ALCAM: variants seen among roughly 807,000 people sequenced by gnomAD.
ALCAM encodes the protein activated leukocyte cell adhesion molecule.
In ALCAM, 30 loss-of-function variants were observed where a neutral mutation model predicts 70.9. The ratio of observed to expected loss-of-function variants is 0.42; its 90% CI spans 0.32 to 0.57. The LOEUF is 0.57. ALCAM is among the 20% of genes least tolerant of loss of function. ALCAM has a pLI of 0.11. For synonymous variants in ALCAM, 249 were observed against 242.5 expected (o/e 1.03, Z -0.25); for missense variants, 591 against 695.1 (o/e 0.85, Z 1.68).
intron 1 of ALCAM, among the ~76,000 whole-genome samples, chr3:105,407,276 A>C (rs1004792020): frequency 6.7e-6 from 1 of 148,516 alleles, no homozygotes; most frequent in Non-Finnish European, 1.5e-5. Flanking sequence ...CAAAAAAAAA[A>C]CAACAGATCA....
At chr3:105,408,479 T>C (rs1936304655) in intron 1 of ALCAM, among the ~76,000 whole-genome samples, 2 of 152,138 alleles carry the variant, frequency 1.3e-5, no homozygotes, top group Non-Finnish European at 1.5e-5. Flanking sequence ...CAAATGGTGC[T>C]GGGATAATTG....
At chr3:105,386,405 C>G (rs1451150612) in intron 1 of ALCAM, among the ~76,000 whole-genome samples, 3 of 151,542 alleles carry the variant, frequency 2.0e-5, no homozygotes, top group Non-Finnish European at 1.5e-5. Flanking sequence ...GTTCCAGTTA[C>G]AGATTTCTTT....
intron 3 of ALCAM, among the ~76,000 whole-genome samples, chr3:105,526,560 C>T (rs947923884): frequency 2.6e-5 from 4 of 152,044 alleles, no homozygotes; most frequent in African/African-American, 7.2e-5. Flanking sequence ...AGGCTGTGGG[C>T]CAGGGAGAAT....
At chr3:105,416,642 C>T (rs1431276557) in intron 1 of ALCAM, among the ~76,000 whole-genome samples, 1 of 151,888 alleles carries the variant, frequency 6.6e-6, no homozygotes, top group African/African-American at 2.4e-5. Flanking sequence ...ACCATTCGAC[C>T]AATTTTTAGA....
chr3:105,487,869 C>A (rs574584161), intron 1 of ALCAM, among the ~76,000 whole-genome samples: 1 of 152,226 alleles, frequency 6.6e-6, no homozygotes, highest in East Asian at 1.9e-4. Context: ...CCAACAATGA[C>A]CAAGGGGCTT....
chr3:105,463,081 T>C (rs1169136012), intron 1 of ALCAM, among the ~76,000 whole-genome samples: 1 of 151,452 alleles, frequency 6.6e-6, no homozygotes, highest in African/African-American at 2.4e-5. Context: ...ATACAATACA[T>C]TTTAACCTTA....
intron 1 of ALCAM, among the ~76,000 whole-genome samples, chr3:105,408,209 AAACTT>A (rs1226333440): frequency 2.0e-5 from 3 of 151,972 alleles, no homozygotes; most frequent in Non-Finnish European, 4.4e-5. Context: ...TAGAAAAAAA[AAACTT>A]AAAAGTCATA....
chr3:105,530,029 G>A (rs181718084), intron 3 of ALCAM, among the ~76,000 whole-genome samples: 2 of 152,114 alleles, frequency 1.3e-5, no homozygotes, highest in East Asian at 3.9e-4. Flanking sequence ...ACTCTTGAAG[G>A]AGAAACTAAG....
intron 1 of ALCAM, among the ~76,000 whole-genome samples, chr3:105,450,714 T>C (rs1226009035): frequency 2.6e-5 from 4 of 152,174 alleles, no homozygotes; most frequent in Non-Finnish European, 5.9e-5. Flanking sequence ...AGATGGTGAA[T>C]ATGTATTTTG....
intron 14 of ALCAM, among the ~76,000 whole-genome samples, chr3:105,558,818 C>T (rs530305614): frequency 8.5e-5 from 13 of 152,158 alleles, no homozygotes; most frequent in Non-Finnish European, 1.3e-4. Flanking sequence ...GCTGCTTTCA[C>T]ATACACTATC....
chr3:105,400,588 C>T (rs1311414227), intron 1 of ALCAM, among the ~76,000 whole-genome samples: 1 of 152,030 alleles, frequency 6.6e-6, no homozygotes, highest in East Asian at 1.9e-4. Context: ...TTTTTAGTCT[C>T]AGGTTCAGAG....
intron 1 of ALCAM, among the ~76,000 whole-genome samples, chr3:105,460,300 T>G (rs1263142368): frequency 6.6e-6 from 1 of 152,072 alleles, no homozygotes; most frequent in African/African-American, 2.4e-5. Context: ...ACAGATTTCC[T>G]GTTTCTCTCA....
intron 1 of ALCAM, among the ~76,000 whole-genome samples, chr3:105,415,559 T>C (rs1247045276): frequency 2.0e-5 from 3 of 152,148 alleles, no homozygotes; most frequent in Non-Finnish European, 4.4e-5. Context: ...TTATTGGTTC[T>C]CTTCTGGAAA....
intron 1 of ALCAM, among the ~76,000 whole-genome samples, chr3:105,425,747 T>C (rs1936772063): frequency 7.3e-6 from 1 of 137,366 alleles, no homozygotes; most frequent in Admixed American, 8.3e-5. Context: ...GGATTTTCAC[T>C]GGCATATTTT....
intron 1 of ALCAM, among the ~76,000 whole-genome samples, chr3:105,384,453 A>G (rs1935599847): frequency 6.6e-6 from 1 of 151,198 alleles, no homozygotes; most frequent in Admixed American, 6.6e-5. Flanking sequence ...TTTACTTTTG[A>G]TCCTTCCCAG....
intron 1 of ALCAM, among the ~76,000 whole-genome samples, chr3:105,499,776 G>A (rs966853356): frequency 6.6e-6 from 1 of 152,174 alleles, no homozygotes; most frequent in African/African-American, 2.4e-5. Flanking sequence ...CTGGAAAGCT[G>A]ATGTGATTTC....
intron 12 of ALCAM, among the ~76,000 whole-genome samples, chr3:105,551,250 C>T (rs1436584597): frequency 1.3e-5 from 2 of 151,690 alleles, no homozygotes; most frequent in East Asian, 1.9e-4. Context: ...ATTGACTTCT[C>T]AGAATGCAAT....
intron 1 of ALCAM, among the ~76,000 whole-genome samples, chr3:105,400,133 G>A (rs1936052796): frequency 6.6e-6 from 1 of 152,116 alleles, no homozygotes; most frequent in African/African-American, 2.4e-5. Context: ...TGATAAAAGG[G>A]CATAGATGCT....
chr3:105,367,443 T>C lies in ALCAM; in HGVS notation c.35T>C (p.Leu12Pro). ...AAGGGGGCCAGTTCCTGCCGTCTGC[T>C]CTTCTGCCTCTTGATCTCCGCCACC... is the stretch of plus-strand genomic sequence containing the variant. The part of the protein sequence containing the change: ...ESKGASSCRL[L>P]FCLLISATVF... The change falls in exon 1 of 16, where the codon CTC (leucine) becomes CCC (proline). Residue 12 changes from leucine to proline, a missense_variant. Physicochemically the swap from Leu to Pro is moderately conservative, Grantham distance 98. This residue lies in a region of ALCAM where 427 missense variants were observed against 450.4 expected (regional missense o/e 0.95). Transcript: ENST00000306107. 1 of 1,613,790 alleles carries C rather than the reference T, an allele frequency of 6.2e-7. No individual in the cohort carries two copies. Among genetic ancestry groups the C allele is most frequent in the Non-Finnish European group, 8.5e-7 (1 of 1,179,868 alleles).
Sources: gnomAD v4.1 joint callset for allele counts (sites outside exome capture counted in the v4.1 genomes callset) on GRCh38, gnomAD v4.1.1 for gene constraint, gnomAD v4.1.1 regional missense constraint, MANE v1.5 for transcripts, NCBI Gene and HGNC (gene_info 2026-07-23, HGNC 2026-07-21) for gene names.